The following KHDRBS2 variants were observed in gnomAD, a reference collection of about 807,000 sequenced individuals.
KHDRBS2 encodes the protein KH domain-containing, RNA-binding, signal transduction-associated protein 2.
Under a neutral mutation model 44.3 loss-of-function variants are expected in KHDRBS2, and 26 were observed. The ratio of observed to expected loss-of-function variants is 0.59; its 90% CI spans 0.43 to 0.81. The LOEUF (loss-of-function observed/expected upper bound fraction) is 0.81, where lower values mean the gene tolerates loss of function less well. KHDRBS2 is among the 40% of genes least tolerant of loss of function. KHDRBS2 has a pLI of 0.00. For synonymous variants in KHDRBS2, 194 were observed against 151.1 expected (o/e 1.28, Z -2.08); for missense variants, 476 against 433.1 (o/e 1.10, Z -0.88).
chr6:62,275,403 A>C (rs2150192084), intron 1 of KHDRBS2, among the ~76,000 whole-genome samples: 1 of 152,254 alleles, frequency 6.6e-6, no homozygotes, highest in African/African-American at 2.4e-5. Context: ...AAAACTTAAA[A>C]CTGTCTGGAG....
intron 6 of KHDRBS2, among the ~76,000 whole-genome samples, chr6:61,783,373 T>C (rs72880607): frequency 0.019 from 2,900 of 152,212 alleles, 53 homozygotes; most frequent in Non-Finnish European, 0.03. Flanking sequence ...CCCAGCGCTT[T>C]CCATGTTGCA....
intron 3 of KHDRBS2, 126 bp from the exon 4 acceptor site, chr6:61,978,338 C>A: frequency 1.6e-6 from 1 of 612,080 alleles, no homozygotes. Flanking sequence ...ATAATTTTCT[C>A]AAAGAAACCC....
the KHDRBS2 span, among the ~76,000 whole-genome samples, chr6:61,619,099 A>G: frequency 6.6e-6 from 1 of 152,160 alleles, no homozygotes; most frequent in Non-Finnish European, 1.5e-5. Context: ...GTGAAATTGA[A>G]TATAAAAAAA....
chr6:61,978,475 T>C (rs1213256361), intron 3 of KHDRBS2, among the ~76,000 whole-genome samples: 1 of 152,094 alleles, frequency 6.6e-6, no homozygotes, highest in Non-Finnish European at 1.5e-5. Context: ...ATGAAAATGC[T>C]AAACCCCTGA....
the KHDRBS2 span, among the ~76,000 whole-genome samples, chr6:61,579,034 C>A: frequency 2.0e-5 from 3 of 152,084 alleles, no homozygotes; most frequent in Admixed American, 1.3e-4. Context: ...TTAGCCCCTG[C>A]AGCAGAAAGA....
chr6:61,573,314 A>G, the KHDRBS2 span, among the ~76,000 whole-genome samples: 17 of 152,342 alleles, frequency 1.1e-4, no homozygotes, highest in East Asian at 3.3e-3. Context: ...GAAAGAAAGC[A>G]TAAATGACAC....
chr6:61,575,696 A>G, the KHDRBS2 span, among the ~76,000 whole-genome samples: 3 of 152,320 alleles, frequency 2.0e-5, no homozygotes, highest in Middle Eastern at 0.01. Context: ...AAAATATGGA[A>G]CCAGCCTAAA....
rs1300732736 is a variant in KHDRBS2 at position 62,166,816 on chromosome 6, C to G, written c.219+10369G>C. 2.6e-5 allele frequency among the ~76,000 whole-genome samples: 4 copies of G among 152,052 alleles called. No individual in the cohort carries two copies. The South Asian group carries it at 8.3e-4, about 32-fold the overall frequency. ...CTTAAACATCTGTCTACATAAAAAG[C>G]CACTCCTACTGCAACAACAAAAGAA... On this transcript the variant is annotated intron_variant, in intron 2 of 8. Coordinates refer to ENST00000281156, the MANE Select transcript of KHDRBS2 (RefSeq NM_152688.4).
the KHDRBS2 span, among the ~76,000 whole-genome samples, chr6:61,597,737 T>TATATATATATATATATATATAC: frequency 5.2e-5 from 2 of 38,294 alleles, no homozygotes; most frequent in Non-Finnish European, 9.6e-5. Flanking sequence ...ACCTTTTATA[T>TATATATATATATATATATATAC]ATATATATAT....
At chr6:61,944,286 A>G (rs77634101) in intron 4 of KHDRBS2, among the ~76,000 whole-genome samples, 4,631 of 152,282 alleles carry the variant, frequency 0.03, 235 homozygotes, top group African/African-American at 0.11. Flanking sequence ...AGACGGATAA[A>G]GAAAATGTAC....
the KHDRBS2 span, among the ~76,000 whole-genome samples, chr6:61,585,319 G>C: frequency 6.6e-6 from 1 of 152,000 alleles, no homozygotes; most frequent in Non-Finnish European, 1.5e-5. Flanking sequence ...TTCATCATTT[G>C]TAAGCCTTCA....
chr6:61,550,098 T>C, the KHDRBS2 span, among the ~76,000 whole-genome samples: 3 of 152,156 alleles, frequency 2.0e-5, no homozygotes, highest in African/African-American at 4.8e-5. Context: ...GTTTGTTATA[T>C]GGGTAAATTG....
the KHDRBS2 span, among the ~76,000 whole-genome samples, chr6:61,616,082 A>G: frequency 6.6e-6 from 1 of 152,218 alleles, no homozygotes; most frequent in Non-Finnish European, 1.5e-5. Flanking sequence ...GTTCTGTATC[A>G]AAATGGCATT....
chr6:62,280,246 C>T (rs1219132621), intron 1 of KHDRBS2, among the ~76,000 whole-genome samples: 4 of 152,072 alleles, frequency 2.6e-5, no homozygotes, highest in Non-Finnish European at 4.4e-5. Flanking sequence ...GTATGGACTA[C>T]GCCTTGCAGG....
chr6:61,905,560 G>A (rs868338198), intron 4 of KHDRBS2, among the ~76,000 whole-genome samples: 39 of 152,130 alleles, frequency 2.6e-4, no homozygotes, highest in Admixed American at 2.6e-4. Context: ...TGGGTTAAAG[G>A]AGTATATTTG....
rs1357794887 is a variant in KHDRBS2 at position 61,899,744 on chromosome 6, G to A, written c.611+1500C>T. Among the ~76,000 whole-genome samples the A allele has an allele frequency of 5.2e-3, 350 of 67,844 alleles. 4 individuals are homozygous for A. Among genetic ancestry groups the A allele is most frequent in the African/African-American group, 0.015 (335 of 22,140 alleles). The allele number at this position is 67,844 out of a possible 152,430, so 44.5% of individuals were successfully genotyped here. A position where few individuals can be genotyped will look rare whatever the true frequency, so the allele number is the denominator to read the frequency against. On this transcript the variant is annotated intron_variant, in intron 5 of 8. Transcript: ENST00000281156. ...TTCATTGTTTTAATGCCCCCCCCCC[G>A]CATTTTAAGGCATACAAAATAGAAA... is the stretch of plus-strand genomic sequence containing the variant.
chr6:62,091,910 T>C (rs1439298362), intron 2 of KHDRBS2, among the ~76,000 whole-genome samples: 2 of 152,146 alleles, frequency 1.3e-5, no homozygotes, highest in African/African-American at 4.8e-5. Flanking sequence ...AATTATTAAT[T>C]ATTAACTACA....
At chr6:61,601,542 G>A in the KHDRBS2 span, among the ~76,000 whole-genome samples, 2 of 152,128 alleles carry the variant, frequency 1.3e-5, no homozygotes, top group South Asian at 2.1e-4. Context: ...TCATAAAATA[G>A]GCAAACGGTC....
chr6:61,608,424 A>AT, the KHDRBS2 span, among the ~76,000 whole-genome samples: 8 of 151,446 alleles, frequency 5.3e-5, no homozygotes, highest in African/African-American at 7.3e-5. Flanking sequence ...ATGGTATTTA[A>AT]TTTTTTTTCT....
Sources: gnomAD v4.1 joint callset for allele counts (sites outside exome capture counted in the v4.1 genomes callset) on GRCh38, gnomAD v4.1.1 for gene constraint, MANE v1.5 for transcripts, NCBI Gene and HGNC (gene_info 2026-07-23, HGNC 2026-07-21) for gene names.